The following FAM117B variants were observed in gnomAD, a reference collection of about 807,000 sequenced individuals.
The protein encoded by FAM117B is family with sequence similarity 117 member B.
FAM117B carries 22 observed loss-of-function variants against 52.8 expected under a neutral mutation model. The observed-to-expected ratio is 0.42, with a 90% CI of 0.30 to 0.59. The LOEUF is 0.59. Among genes scored for constraint, FAM117B ranks in the 20% least tolerant of loss-of-function variants. FAM117B has a pLI of 0.22. For missense variants in FAM117B, 678 were observed against 802.6 expected, an observed-to-expected ratio of 0.84 and a Z score of 1.88; for synonymous variants, 309 against 324.1, an observed-to-expected ratio of 0.95 and a Z score of 0.50.
In FAM117B at chr2:202,635,328, G is replaced by A. The variant is rs1182662394; in HGVS notation, c.141G>A (p.Gln47=). Reference sequence around the variant, plus strand: ...TTCCGTTCCAGCTGAAGCAGCAGCAGCAGCAGCAACATGGCAGCCCCACGC... The same window carrying A: ...TTCCGTTCCAGCTGAAGCAGCAGCAACAGCAGCAACATGGCAGCCCCACGC... The part of the protein sequence containing the change: ...ATVPFQLKQQ[Q]QQQHGSPTRS... The change falls in exon 1 of 8, where the codon CAG becomes CAA. Residue 47 remains glutamine (Q), a synonymous_variant. Transcript: ENST00000392238. The A allele has an allele frequency of 2.0e-5, 28 of 1,419,376 alleles. No homozygotes were observed. The highest frequency in any genetic ancestry group is 2.7e-5 in the Admixed American group (1 of 37,690). The allele number at this position is 1,419,376 out of a possible 1,614,324, so 87.9% of individuals were successfully genotyped here. A position where few individuals can be genotyped will look rare whatever the true frequency, so the allele number is the denominator to read the frequency against.
chr2:202,764,266 A>AT (rs892494302), intron 7 of FAM117B, among the ~76,000 whole-genome samples: 2 of 151,766 alleles, frequency 1.3e-5, no homozygotes, highest in Non-Finnish European at 2.9e-5. Context: ...ACTGATTTAG[A>AT]TTTTTTGTGT....
At position 202,635,238 on chromosome 2, in the gene FAM117B, TGGG is replaced by T. The variant is rs1305492973; in HGVS notation, c.54_56del (p.Gly20del). The T allele has an allele frequency of 1.9e-5, 25 of 1,331,900 alleles. No homozygotes were observed. The highest frequency in any genetic ancestry group is 2.2e-5 in the Non-Finnish European group (23 of 1,039,836). 82.5% of individuals were successfully genotyped at this position (1,331,900 alleles called of 1,614,324 possible). On this transcript the variant is annotated inframe_deletion, in exon 1 of 8. Coordinates refer to ENST00000392238, the MANE Select transcript of FAM117B (RefSeq NM_173511.4). ...GGTCCCCCACGCCGGCCGGCTCCCT[TGGG>T]GGTGGTGCGGTGGCCACGGCCGGGG...
At position 202,705,575 on chromosome 2, in the gene FAM117B, G is replaced by T. The variant is rs150247918; in HGVS notation, c.753+9543G>T. On this transcript the variant is annotated intron_variant, in intron 2 of 7. Transcript: ENST00000392238. ...AGCTTAGTGCTCCAGCATGTCAGTGGGCCTAATTGCCTATAAGACTGATTT... is the reference window on the plus strand; with the variant it reads ...AGCTTAGTGCTCCAGCATGTCAGTGTGCCTAATTGCCTATAAGACTGATTT... Among the ~76,000 whole-genome samples, 501 of 152,188 alleles carry T rather than the reference G, an allele frequency of 3.3e-3. 3 individuals are homozygous for T. Among genetic ancestry groups the T allele is most frequent in the African/African-American group, 0.011 (461 of 41,500 alleles).
At chr2:202,738,387 T>TC (rs1691473214) in intron 4 of FAM117B, among the ~76,000 whole-genome samples, 1 of 152,202 alleles carries the variant, frequency 6.6e-6, no homozygotes, top group Admixed American at 6.5e-5. Context: ...TCACAAGACT[T>TC]CATTTTTCTG....
chr2:202,697,709 C>G (rs992148092), intron 2 of FAM117B, among the ~76,000 whole-genome samples: 2 of 151,916 alleles, frequency 1.3e-5, no homozygotes, highest in African/African-American at 4.8e-5. Context: ...ACCACCATTT[C>G]TGACTAATTT....
intron 2 of FAM117B, among the ~76,000 whole-genome samples, chr2:202,715,361 C>T (rs1365623120): frequency 6.7e-6 from 1 of 150,120 alleles, no homozygotes. Flanking sequence ...CCTCACTTCC[C>T]AGACGGGGTG....
chr2:202,724,119 A>C (rs1222244176), intron 2 of FAM117B, among the ~76,000 whole-genome samples: 2 of 126,592 alleles, frequency 1.6e-5, no homozygotes, highest in African/African-American at 6.2e-5. Flanking sequence ...GTACGGTGGC[A>C]CGATCTCGGC....
In FAM117B at chr2:202,668,542, A is replaced by G. The variant is rs868390722; in HGVS notation, c.602-27339A>G. Among the ~76,000 whole-genome samples, 133 of 147,012 alleles carry G rather than the reference A, an allele frequency of 9.0e-4. 2 individuals carry two copies. Among genetic ancestry groups the G allele is most frequent in the Non-Finnish European group, 1.8e-3 (116 of 66,258 alleles). Reference sequence around the variant, plus strand: ...GACTCTCTCTCAAAAAAAAAAAAAAAAAAAGAAAAAGAAGGTATAGTGAAC... The same window carrying G: ...GACTCTCTCTCAAAAAAAAAAAAAAGAAAAGAAAAAGAAGGTATAGTGAAC... On this transcript the variant is annotated intron_variant, in intron 1 of 7. Transcript: ENST00000392238.
chr2:202,760,128 C>T (rs1190201834), intron 7 of FAM117B, among the ~76,000 whole-genome samples: 2 of 152,204 alleles, frequency 1.3e-5, no homozygotes, highest in Non-Finnish European at 1.5e-5. Context: ...TACTATATAA[C>T]CACAGTACGA....
At chr2:202,660,124 A>C (rs1329855579) in intron 1 of FAM117B, among the ~76,000 whole-genome samples, 1 of 151,942 alleles carries the variant, frequency 6.6e-6, no homozygotes, top group Non-Finnish European at 1.5e-5. Flanking sequence ...GAAAATGTTT[A>C]TCTTTTCATT....
At chr2:202,649,807 C>T (rs1689930638) in intron 1 of FAM117B, among the ~76,000 whole-genome samples, 1 of 152,148 alleles carries the variant, frequency 6.6e-6, no homozygotes, top group Non-Finnish European at 1.5e-5. Flanking sequence ...CCACGTCAGC[C>T]TCCCAGAGTG....
intron 1 of FAM117B, among the ~76,000 whole-genome samples, chr2:202,647,497 A>G (rs183926488): frequency 4.6e-5 from 7 of 152,354 alleles, no homozygotes; most frequent in Admixed American, 3.9e-4. Flanking sequence ...CAGATTTCAT[A>G]TTCAACTGAA....
chr2:202,641,606 G>A (rs1179757322), intron 1 of FAM117B, among the ~76,000 whole-genome samples: 1 of 151,746 alleles, frequency 6.6e-6, no homozygotes, highest in East Asian at 1.9e-4. Context: ...TCTGTGTGTG[G>A]GGTATAGGAA....
intron 1 of FAM117B, among the ~76,000 whole-genome samples, chr2:202,684,875 T>C (rs912701445): frequency 1.3e-5 from 2 of 152,214 alleles, no homozygotes; most frequent in African/African-American, 4.8e-5. Flanking sequence ...TAATTTATTG[T>C]TCATTGTGAC....
intron 1 of FAM117B, among the ~76,000 whole-genome samples, chr2:202,644,073 T>TTTTTTTTTTC (rs1689820618): frequency 6.9e-6 from 1 of 145,758 alleles, no homozygotes. Flanking sequence ...TGTTTTTTTT[T>TTTTTTTTTTC]TTTTTTTTTT....
chr2:202,652,815 A>T (rs1689976647), intron 1 of FAM117B, among the ~76,000 whole-genome samples: 1 of 152,208 alleles, frequency 6.6e-6, no homozygotes, highest in African/African-American at 2.4e-5. Flanking sequence ...GGGAAGATTG[A>T]GGACCCACAC....
At chr2:202,639,932 C>A (rs932755444) in intron 1 of FAM117B, among the ~76,000 whole-genome samples, 2 of 151,646 alleles carry the variant, frequency 1.3e-5, no homozygotes, top group Admixed American at 1.3e-4. Context: ...AAAGTGTAGT[C>A]TGTGGTTCAT....
At chr2:202,720,425 G>T (rs921225080) in intron 2 of FAM117B, among the ~76,000 whole-genome samples, 2 of 141,016 alleles carry the variant, frequency 1.4e-5, no homozygotes, top group Non-Finnish European at 3.2e-5. Flanking sequence ...GTGTGTGTGT[G>T]TGCGCTGCAA....
chr2:202,708,113 A>C (rs894326542), intron 2 of FAM117B, among the ~76,000 whole-genome samples: 1 of 152,168 alleles, frequency 6.6e-6, no homozygotes, highest in Non-Finnish European at 1.5e-5. Context: ...TCTCAACAAA[A>C]TTTTACGCGT....
Sources: gnomAD v4.1 joint callset for allele counts (sites outside exome capture counted in the v4.1 genomes callset) on GRCh38, gnomAD v4.1.1 for gene constraint, MANE v1.5 for transcripts, NCBI Gene and HGNC (gene_info 2026-07-23, HGNC 2026-07-21) for gene names.